The following TRIM24 variants were observed in gnomAD, a reference collection of about 807,000 sequenced individuals.
The protein encoded by TRIM24 is tripartite motif containing 24, also known as transcription intermediary factor 1-alpha.
A neutral mutation model predicts 123.9 loss-of-function variants in TRIM24; 29 were observed. The ratio of observed to expected loss-of-function variants is 0.23; its 90% CI spans 0.17 to 0.32. The LOEUF (loss-of-function observed/expected upper bound fraction) is 0.32, where lower values mean the gene tolerates loss of function less well. TRIM24 is among the 10% of genes least tolerant of loss of function. The pLI is 1.00. For missense variants in TRIM24, 932 were observed against 1,295.3 expected, an observed-to-expected ratio of 0.72 and a Z score of 4.31; for synonymous variants, 456 against 461.1, an observed-to-expected ratio of 0.99 and a Z score of 0.14.
At chr7:138,508,700 C>CGTGTGTGCGTGTGT (rs1554436662) in intron 2 of TRIM24, among the ~76,000 whole-genome samples, 8 of 35,510 alleles carry the variant, frequency 2.3e-4, no homozygotes, top group South Asian at 1.9e-3. Flanking sequence ...TGTGCGCGCG[C>CGTGTGTGCGTGTGT]GTGTGTGCGT....
intron 1 of TRIM24, among the ~76,000 whole-genome samples, chr7:138,465,134 T>C (rs988761496): frequency 1.3e-5 from 2 of 152,210 alleles, no homozygotes; most frequent in Admixed American, 1.3e-4. Context: ...AATGCTCAGA[T>C]ACAATTACAC....
At chr7:138,486,515 A>C (rs1021320349) in intron 1 of TRIM24, among the ~76,000 whole-genome samples, 10 of 152,186 alleles carry the variant, frequency 6.6e-5, no homozygotes, top group Non-Finnish European at 8.8e-5. Flanking sequence ...ATTTTTGTAT[A>C]AGGTGTAAGG....
intron 14 of TRIM24, 29 bp downstream of exon 14, chr7:138,577,617 C>A: frequency 6.5e-7 from 1 of 1,540,694 alleles, no homozygotes; most frequent in Admixed American, 1.9e-5. Flanking sequence ...AATGCTATTC[C>A]TATGCATGGT....
intron 1 of TRIM24, among the ~76,000 whole-genome samples, chr7:138,488,061 T>G (rs1320201008): frequency 6.6e-6 from 1 of 152,016 alleles, no homozygotes; most frequent in Non-Finnish European, 1.5e-5. Context: ...TTCTTCCTGG[T>G]TTAGTCTTGG....
At chr7:138,560,206 C>T (rs1797397955) in intron 9 of TRIM24, among the ~76,000 whole-genome samples, 1 of 152,172 alleles carries the variant, frequency 6.6e-6, no homozygotes, top group African/African-American at 2.4e-5. Context: ...TCCACTTTTC[C>T]TGAACTCTGT....
At chr7:138,504,447 CTT>C (rs750956455) in intron 2 of TRIM24, 39 bp downstream of exon 2, 6,090 of 151,430 alleles carry the variant, frequency 0.04, no homozygotes, top group South Asian at 0.051. Context: ...CCTGCCAGCT[CTT>C]TTTTTTTTTT....
At position 138,504,444 on chromosome 7, in the gene TRIM24, G is replaced by GTTTTTTTTTTTTTTTTTTTT. The variant is rs1563036659; in HGVS notation, c.483+36_483+37insTTTTTTTTTTTTTTTTTTTT. Reference sequence around the variant, plus strand: ...TACATCTTGAACCTTTTGCCTGCCAGCTCTTTTTTTTTTTTTTTTTTTTTT... The same window carrying GTTTTTTTTTTTTTTTTTTTT: ...TACATCTTGAACCTTTTGCCTGCCAGTTTTTTTTTTTTTTTTTTTTCTCTTTTTTTTTTTTTTTTTTTTTT... On this transcript the variant is annotated intron_variant, in intron 2 of 18. Coordinates refer to ENST00000343526, the MANE Select transcript of TRIM24 (RefSeq NM_015905.3). 2.2e-5 allele frequency: 13 copies of GTTTTTTTTTTTTTTTTTTTT among 603,602 alleles called. 3 individuals carry two copies. Among genetic ancestry groups the GTTTTTTTTTTTTTTTTTTTT allele is most frequent in the Non-Finnish European group, 2.0e-5 (8 of 395,216 alleles). The allele number at this position is 603,602 out of a possible 1,614,324, so 37.4% of individuals were successfully genotyped here. A position where few individuals can be genotyped will look rare whatever the true frequency, so the allele number is the denominator to read the frequency against.
Position 138,538,794 on chromosome 7 carries a change from CAAACG to C in TRIM24, c.1136_1140del (p.Lys379ThrfsTer15). 6.2e-7 allele frequency: 1 copy of C among 1,613,452 alleles called. No homozygotes were observed. The highest frequency in any genetic ancestry group is 8.5e-7 in the Non-Finnish European group (1 of 1,179,556). ...GCAGCAGTACAGCATTACTTTATAG[CAAACG>C]ACTGGTAAGATAAAGTATGCTATTT... On this transcript the variant is annotated frameshift_variant, in exon 7 of 19. Transcript: ENST00000343526. LOFTEE classifies it high-confidence loss of function.
In TRIM24 at chr7:138,561,457, C is replaced by A. The variant is rs138230904; in HGVS notation, c.1531-6024C>A. 1.1e-3 allele frequency among the ~76,000 whole-genome samples: 161 copies of A among 152,236 alleles called. 1 individual carries two copies. The East Asian group carries it at 0.022, about 21-fold the overall frequency. On this transcript the variant is annotated intron_variant, in intron 9 of 18. Transcript: ENST00000343526. ...TATGTGAGGATTTTTGCATAGGAGCCCTTGGTATTGAGTCATTCTTAGGTT... is the reference window on the plus strand; with the variant it reads ...TATGTGAGGATTTTTGCATAGGAGCACTTGGTATTGAGTCATTCTTAGGTT...
At chr7:138,504,441 C>A (rs767181772) in intron 2 of TRIM24, 33 bp downstream of exon 2, 27 of 949,030 alleles carry the variant, frequency 2.8e-5, no homozygotes, top group South Asian at 7.3e-5. Flanking sequence ...CTTTTGCCTG[C>A]CAGCTCTTTT....
chr7:138,481,541 C>A (rs112628787), intron 1 of TRIM24, among the ~76,000 whole-genome samples: 5 of 151,954 alleles, frequency 3.3e-5, no homozygotes, highest in African/African-American at 1.2e-4. Context: ...CTGGGCTGGG[C>A]GCTGTAGCTC....
chr7:138,514,887 A>T (rs1362865044), intron 2 of TRIM24: 4 of 207,722 alleles, frequency 1.9e-5, no homozygotes, highest in Non-Finnish European at 4.0e-5. Flanking sequence ...TATGTACAAG[A>T]CTGTAGTTAT....
At chr7:138,521,089 G>A (rs1435686094) in intron 4 of TRIM24, among the ~76,000 whole-genome samples, 1 of 152,170 alleles carries the variant, frequency 6.6e-6, no homozygotes, top group Non-Finnish European at 1.5e-5. Context: ...TCTGTACCTG[G>A]TAAGCATATT....
At chr7:138,504,717 C>A (rs1796113705) in intron 2 of TRIM24, among the ~76,000 whole-genome samples, 1 of 151,712 alleles carries the variant, frequency 6.6e-6, no homozygotes, top group Non-Finnish European at 1.5e-5. Context: ...ATCTCAGCCT[C>A]CCAAAGTGCT....
chr7:138,520,021 C>T (rs1181932003), intron 4 of TRIM24, among the ~76,000 whole-genome samples: 1 of 152,016 alleles, frequency 6.6e-6, no homozygotes, highest in East Asian at 1.9e-4. Context: ...AGAAAACCTG[C>T]ACAAAATACA....
chr7:138,491,557 T>G lies in TRIM24; in HGVS notation c.365-12733T>G, dbSNP rs528309252. ...TGAATAATACTCCATTGTAAGGGTATAGCACATTTTATTTACACATTGATC... is the reference window on the plus strand; with the variant it reads ...TGAATAATACTCCATTGTAAGGGTAGAGCACATTTTATTTACACATTGATC... On this transcript the variant is annotated intron_variant, in intron 1 of 18. Coordinates refer to ENST00000343526, the MANE Select transcript of TRIM24 (RefSeq NM_015905.3). Among the ~76,000 whole-genome samples, 324 of 150,254 alleles carry G rather than the reference T, an allele frequency of 2.2e-3. 2 individuals carry two copies. Among genetic ancestry groups the G allele is most frequent in the African/African-American group, 7.8e-3 (320 of 41,274 alleles).
At chr7:138,547,274 C>T (rs1797120147) in intron 7 of TRIM24, among the ~76,000 whole-genome samples, 1 of 152,080 alleles carries the variant, frequency 6.6e-6, no homozygotes, top group African/African-American at 2.4e-5. Context: ...TGATCAAAGG[C>T]TGCAAAATTT....
intron 6 of TRIM24, among the ~76,000 whole-genome samples, chr7:138,529,681 T>C (rs1379356045): frequency 6.6e-6 from 1 of 152,192 alleles, no homozygotes; most frequent in Non-Finnish European, 1.5e-5. Context: ...GTAATTGTAA[T>C]TGCGAGAGCA....
chr7:138,571,813 C>T (rs1482390895), intron 11 of TRIM24, among the ~76,000 whole-genome samples: 1 of 152,166 alleles, frequency 6.6e-6, no homozygotes, highest in Non-Finnish European at 1.5e-5. Flanking sequence ...TGAAGGGATC[C>T]TCCTGCCTTG....
Sources: allele counts gnomAD v4.1 joint callset (sites outside exome capture counted in the v4.1 genomes callset), GRCh38; gene constraint gnomAD v4.1.1; transcripts MANE v1.5; gene names NCBI Gene and HGNC (gene_info 2026-07-23, HGNC 2026-07-21).